PPP2R5E: variants seen among roughly 807,000 people sequenced by gnomAD.
The protein encoded by PPP2R5E is serine/threonine-protein phosphatase 2A 56 kDa regulatory subunit epsilon isoform.
In PPP2R5E, 4 loss-of-function variants were observed where a neutral mutation model predicts 65.3. The ratio of observed to expected loss-of-function variants is 0.06; its 90% CI spans 0.03 to 0.14. PPP2R5E has a LOEUF of 0.14. Ranked by LOEUF, PPP2R5E falls within the 10% of genes least tolerant of loss-of-function variation. The pLI, the probability that PPP2R5E is intolerant of heterozygous loss-of-function variation, is 1.00. For synonymous variants in PPP2R5E, 183 were observed against 187.4 expected (o/e 0.98, Z 0.19); for missense variants, 274 against 556.1 (o/e 0.49, Z 5.10).
At chr14:63,408,056 C>T (rs1886187759) in intron 5 of PPP2R5E, among the ~76,000 whole-genome samples, 1 of 152,212 alleles carries the variant, frequency 6.6e-6, no homozygotes, top group African/African-American at 2.4e-5. Flanking sequence ...ATAACAGATA[C>T]AGGCTCAAAA....
chr14:63,474,253 AACAG>A (rs1176118384), intron 2 of PPP2R5E, among the ~76,000 whole-genome samples: 3 of 152,160 alleles, frequency 2.0e-5, no homozygotes, highest in African/African-American at 2.4e-5. Context: ...AAAAGTGACT[AACAG>A]ACAGAGAGGG....
At chr14:63,376,735 G>C (rs923897739) in intron 13 of PPP2R5E, among the ~76,000 whole-genome samples, 1 of 152,058 alleles carries the variant, frequency 6.6e-6, no homozygotes, top group Non-Finnish European at 1.5e-5. Context: ...TACAAAAAAA[G>C]GATTTTTAAC....
At chr14:63,411,658 T>TG (rs1276171960) in intron 5 of PPP2R5E, among the ~76,000 whole-genome samples, 20 of 93,106 alleles carry the variant, frequency 2.1e-4, no homozygotes, top group Middle Eastern at 5.3e-3. Context: ...TGTGGTTGTT[T>TG]AAAAAAAAAA....
chr14:63,382,925 A>ATG (rs1884452094), intron 12 of PPP2R5E, among the ~76,000 whole-genome samples: 2 of 152,012 alleles, frequency 1.3e-5, no homozygotes, highest in Non-Finnish European at 2.9e-5. Context: ...TTATATATAT[A>ATG]TGTGTATATA....
chr14:63,542,315 C>T (rs935960308), intron 1 of PPP2R5E, among the ~76,000 whole-genome samples: 1 of 152,114 alleles, frequency 6.6e-6, no homozygotes, highest in Non-Finnish European at 1.5e-5. Flanking sequence ...CTCTAATCAG[C>T]AGGCATGGGG....
At chr14:63,529,014 C>CT (rs1200058150) in intron 2 of PPP2R5E, among the ~76,000 whole-genome samples, 5 of 151,718 alleles carry the variant, frequency 3.3e-5, no homozygotes, top group Non-Finnish European at 5.9e-5. Flanking sequence ...ACTTCAAACA[C>CT]TTTTTTTTCC....
At chr14:63,447,067 G>A (rs908892164) in intron 3 of PPP2R5E, among the ~76,000 whole-genome samples, 2 of 152,154 alleles carry the variant, frequency 1.3e-5, no homozygotes, top group African/African-American at 2.4e-5. Context: ...GCATAGGCAG[G>A]GTAGATTTAG....
chr14:63,449,196 C>T lies in PPP2R5E; in HGVS notation c.354+4493G>A, dbSNP rs144341337. ...GAAGTGATTTTGTTTTACAGTAACACGAAAGAGAAATCAGCGGGGACAGTG... is the reference window on the plus strand; with the variant it reads ...GAAGTGATTTTGTTTTACAGTAACATGAAAGAGAAATCAGCGGGGACAGTG... On this transcript the variant is annotated intron_variant, in intron 3 of 13. Coordinates refer to ENST00000337537, the MANE Select transcript of PPP2R5E (RefSeq NM_006246.5). 3.4e-3 allele frequency among the ~76,000 whole-genome samples: 512 copies of T among 152,208 alleles called. 6 individuals carry two copies. Among genetic ancestry groups the T allele is most frequent in the African/African-American group, 0.012 (489 of 41,516 alleles).
At position 63,495,841 on chromosome 14, in the gene PPP2R5E, C is replaced by T. The variant is rs952632971; in HGVS notation, c.158-41956G>A. On this transcript the variant is annotated intron_variant, in intron 2 of 13. Transcript: ENST00000337537. ...AAGTAACTGAGAAAACAGGCATGTA[C>T]CACCTTGCCCAGCTAGTTTCTTTGA... Among the ~76,000 whole-genome samples, 6 of 151,918 alleles carry T rather than the reference C, an allele frequency of 3.9e-5. No homozygotes were observed. The South Asian group carries it at 1.2e-3, about 32-fold the overall frequency.
chr14:63,486,077 A>T (rs1418032304), intron 2 of PPP2R5E, among the ~76,000 whole-genome samples: 1 of 150,628 alleles, frequency 6.6e-6, no homozygotes, highest in Non-Finnish European at 1.5e-5. Flanking sequence ...TGATCTGCCC[A>T]CCTCGGCCTC....
chr14:63,412,723 T>G (rs2139853132), intron 5 of PPP2R5E, among the ~76,000 whole-genome samples: 1 of 152,298 alleles, frequency 6.6e-6, no homozygotes, highest in Non-Finnish European at 1.5e-5. Context: ...TCTTGGGGAT[T>G]GGCGAGGAGA....
intron 3 of PPP2R5E, among the ~76,000 whole-genome samples, chr14:63,431,005 C>T (rs1566697256): frequency 6.6e-6 from 1 of 152,176 alleles, no homozygotes; most frequent in African/African-American, 2.4e-5. Flanking sequence ...CATGGTGGCT[C>T]ACCCCTGTAA....
intron 2 of PPP2R5E, among the ~76,000 whole-genome samples, chr14:63,486,608 C>T (rs933243735): frequency 2.6e-5 from 4 of 152,050 alleles, no homozygotes; most frequent in Non-Finnish European, 4.4e-5. Flanking sequence ...CTGCAAAACA[C>T]ATGTGGTCCA....
rs376181034 is a variant in PPP2R5E at position 63,523,471 on chromosome 14, G to A, written c.157+16058C>T. Among the ~76,000 whole-genome samples the A allele has an allele frequency of 1.8e-4, 27 of 152,074 alleles. No individual in the cohort carries two copies. The East Asian group carries it at 4.3e-3, about 24-fold the overall frequency. On this transcript the variant is annotated intron_variant, in intron 2 of 13. Coordinates refer to ENST00000337537, the MANE Select transcript of PPP2R5E (RefSeq NM_006246.5). ...ACTCAAGGTTAAATGGATTAAGGGC[G>A]GTGCAAGATGTGCTTTGTTAAACAG... is the stretch of plus-strand genomic sequence containing the variant.
chr14:63,513,545 C>T (rs953197101), intron 2 of PPP2R5E, among the ~76,000 whole-genome samples: 1 of 152,140 alleles, frequency 6.6e-6, no homozygotes, highest in African/African-American at 2.4e-5. Context: ...AAATTCACTT[C>T]CTGCATATTA....
At chr14:63,509,267 CTTTTTTT>C (rs10553696) in intron 2 of PPP2R5E, among the ~76,000 whole-genome samples, 57 of 108,056 alleles carry the variant, frequency 5.3e-4, no homozygotes, top group Non-Finnish European at 8.2e-4. Context: ...TTAAAATATC[CTTTTTTT>C]TTTTTTTTTT....
At chr14:63,497,893 C>A (rs1193260440) in intron 2 of PPP2R5E, among the ~76,000 whole-genome samples, 1 of 152,186 alleles carries the variant, frequency 6.6e-6, no homozygotes, top group African/African-American at 2.4e-5. Context: ...AGCATACTCA[C>A]GTTAGTGGCA....
In PPP2R5E at chr14:63,372,061, G is replaced by C. The variant is rs1594799081; in HGVS notation, c.*3948C>G. The C allele has an allele frequency of 6.6e-6, 1 of 151,462 alleles. No individual in the cohort carries two copies. Among genetic ancestry groups the C allele is most frequent in the Non-Finnish European group, 1.5e-5 (1 of 67,874 alleles). 9.4% of individuals were successfully genotyped at this position (151,462 alleles called of 1,614,324 possible). On this transcript the variant is annotated 3_prime_UTR_variant, in exon 14 of 14. Coordinates refer to ENST00000337537, the MANE Select transcript of PPP2R5E (RefSeq NM_006246.5). Reference sequence around the variant, plus strand: ...AGTAAAGAAAGAGGAAGGGAAGAGGGAAGGAGGAAAAGAGAAGCTGAGAGA... The same window carrying C: ...AGTAAAGAAAGAGGAAGGGAAGAGGCAAGGAGGAAAAGAGAAGCTGAGAGA...
At chr14:63,461,803 A>G (rs1889479914) in intron 2 of PPP2R5E, among the ~76,000 whole-genome samples, 1 of 151,138 alleles carries the variant, frequency 6.6e-6, no homozygotes. Context: ...TCAAAAAGAT[A>G]TAAATAAAAA....
Sources: allele counts gnomAD v4.1 joint callset (sites outside exome capture counted in the v4.1 genomes callset), GRCh38; gene constraint gnomAD v4.1.1; transcripts MANE v1.5; gene names NCBI Gene and HGNC (gene_info 2026-07-23, HGNC 2026-07-21).